The following CSRNP3 variants were observed in gnomAD, a reference collection of about 807,000 sequenced individuals.
CSRNP3 encodes cysteine/serine-rich nuclear protein 3.
CSRNP3 carries 12 observed loss-of-function variants against 48.0 expected under a neutral mutation model. The ratio of observed to expected loss-of-function variants is 0.25; its 90% CI spans 0.16 to 0.41. The LOEUF is 0.41. CSRNP3 is among the 10% of genes least tolerant of loss of function. CSRNP3 has a pLI of 1.00. For missense variants in CSRNP3, 580 were observed against 724.4 expected (o/e 0.80, Z 2.29); for synonymous variants, 263 against 269.7 (o/e 0.98, Z 0.24).
chr2:165,544,187 A>G (rs1684994271), intron 3 of CSRNP3, among the ~76,000 whole-genome samples: 1 of 152,100 alleles, frequency 6.6e-6, no homozygotes, highest in Admixed American at 6.6e-5. Context: ...TAAGAGAGGA[A>G]AAGAATTGAA....
At chr2:165,486,493 G>A (rs1436700424) in intron 1 of CSRNP3, among the ~76,000 whole-genome samples, 3 of 144,774 alleles carry the variant, frequency 2.1e-5, no homozygotes, top group East Asian at 2.1e-4. Context: ...CTGGGGGCAG[G>A]GCACAGACAA....
intron 3 of CSRNP3, among the ~76,000 whole-genome samples, chr2:165,585,222 T>G (rs1685608572): frequency 6.6e-6 from 1 of 152,194 alleles, no homozygotes; most frequent in South Asian, 2.1e-4. Context: ...GTTTTTTTTT[T>G]TTTTTAACTG....
chr2:165,618,251 C>T (rs1463978849), intron 4 of CSRNP3, among the ~76,000 whole-genome samples: 1 of 152,182 alleles, frequency 6.6e-6, no homozygotes, highest in Admixed American at 6.5e-5. Flanking sequence ...TCCATCCTGG[C>T]TTTGAGCCAG....
chr2:165,594,463 A>G (rs1685776853), intron 3 of CSRNP3, among the ~76,000 whole-genome samples: 2 of 152,322 alleles, frequency 1.3e-5, no homozygotes, highest in South Asian at 2.1e-4. Flanking sequence ...GCTATCTTCC[A>G]GGTAAATAGC....
intron 4 of CSRNP3, among the ~76,000 whole-genome samples, chr2:165,599,273 A>AAG (rs746283268): frequency 2.6e-4 from 18 of 69,044 alleles, no homozygotes; most frequent in East Asian, 5.6e-4. Flanking sequence ...AAAAGAAAGA[A>AAG]AGAGAGAGAG....
intron 3 of CSRNP3, among the ~76,000 whole-genome samples, chr2:165,562,227 G>A (rs189600696): frequency 2.6e-5 from 4 of 152,146 alleles, no homozygotes. Context: ...ACTGGTCTTG[G>A]ACAGACATGG....
At chr2:165,633,612 A>G (rs1296402126) in intron 4 of CSRNP3, among the ~76,000 whole-genome samples, 1 of 152,234 alleles carries the variant, frequency 6.6e-6, no homozygotes, top group African/African-American at 2.4e-5. Context: ...AACAAAATCC[A>G]GTCCCCTGAT....
At chr2:165,645,032 C>G (rs1686787934) in intron 4 of CSRNP3, among the ~76,000 whole-genome samples, 1 of 151,874 alleles carries the variant, frequency 6.6e-6, no homozygotes, top group Non-Finnish European at 1.5e-5. Context: ...TCTGGGGTCT[C>G]TTTATAAAAA....
chr2:165,679,052 T>C lies in CSRNP3; in HGVS notation c.1057T>C (p.Cys353Arg), dbSNP rs763548669. The C allele has an allele frequency of 6.2e-7, 1 of 1,613,812 alleles. No individual in the cohort carries two copies. The highest frequency in any genetic ancestry group is 8.5e-7 in the Non-Finnish European group (1 of 1,179,956). The change falls in exon 7 of 7, where the codon TGC (cysteine) becomes CGC (arginine). Residue 353 changes from cysteine to arginine, a missense_variant. Physicochemically the swap from Cys to Arg is radical, Grantham distance 180. This residue lies in a region of CSRNP3 where 369 missense variants were observed against 380.8 expected (regional missense o/e 0.97). Coordinates refer to ENST00000651982, the MANE Select transcript of CSRNP3 (RefSeq NM_001172173.2). ...EEEEEDGSSFCSGVTDSSTQS... is the reference protein window; with the variant it reads ...EEEEEDGSSFRSGVTDSSTQS... ...AGAAGAGGAGGATGGGAGCAGCTTT[T>C]GCAGCGGAGTCACAGATTCTAGCAC...
At position 165,680,840 on chromosome 2, in the gene CSRNP3, G is replaced by T. The variant is rs1687523408; in HGVS notation, c.*1087G>T. 6.6e-6 allele frequency: 1 copy of T among 152,118 alleles called. No homozygotes were observed. 9.4% of individuals were successfully genotyped at this position (152,118 alleles called of 1,614,324 possible). ...CTCAGTAAATGCAGAGGAGGCTGAGGAAACATGGAAGAGACACGACCTCAG... is the reference window on the plus strand; with the variant it reads ...CTCAGTAAATGCAGAGGAGGCTGAGTAAACATGGAAGAGACACGACCTCAG... On this transcript the variant is annotated 3_prime_UTR_variant, in exon 7 of 7. Coordinates refer to ENST00000651982, the MANE Select transcript of CSRNP3 (RefSeq NM_001172173.2).
At chr2:165,550,440 A>T (rs1685082116) in intron 3 of CSRNP3, among the ~76,000 whole-genome samples, 1 of 152,194 alleles carries the variant, frequency 6.6e-6, no homozygotes, top group African/African-American at 2.4e-5. Flanking sequence ...TTAACAGCTC[A>T]ATTAAGTGCC....
intron 4 of CSRNP3, among the ~76,000 whole-genome samples, chr2:165,635,800 G>A (rs1445257374): frequency 6.6e-6 from 1 of 152,106 alleles, no homozygotes; most frequent in Admixed American, 6.5e-5. Context: ...AATTCTATAG[G>A]ATTAAACATC....
chr2:165,553,983 G>C (rs1685131722), intron 3 of CSRNP3, among the ~76,000 whole-genome samples: 1 of 152,112 alleles, frequency 6.6e-6, no homozygotes, highest in Non-Finnish European at 1.5e-5. Context: ...TTTATCCTCT[G>C]ATCAGGCATT....
At chr2:165,530,779 T>G (rs1333641342) in intron 3 of CSRNP3, among the ~76,000 whole-genome samples, 1 of 152,082 alleles carries the variant, frequency 6.6e-6, no homozygotes, top group Non-Finnish European at 1.5e-5. Flanking sequence ...TACAAATTTG[T>G]GTTACTCTTG....
At chr2:165,641,827 G>T (rs1415375611) in intron 4 of CSRNP3, among the ~76,000 whole-genome samples, 2 of 152,150 alleles carry the variant, frequency 1.3e-5, no homozygotes, top group African/African-American at 4.8e-5. Flanking sequence ...GGTAAAAGAA[G>T]TTGGATCCTG....
chr2:165,491,950 T>TAAA (rs560385044), intron 1 of CSRNP3, among the ~76,000 whole-genome samples: 42 of 104,592 alleles, frequency 4.0e-4, no homozygotes, highest in African/African-American at 1.3e-3. Flanking sequence ...TAAAGTATAA[T>TAAA]AAAAAAAAAA....
At chr2:165,627,413 A>G (rs561932334) in intron 4 of CSRNP3, among the ~76,000 whole-genome samples, 2 of 152,104 alleles carry the variant, frequency 1.3e-5, no homozygotes, top group Non-Finnish European at 2.9e-5. Flanking sequence ...TCTTTCTATT[A>G]TAGCCACAGG....
chr2:165,595,427 TTAAC>T (rs1214638816), intron 4 of CSRNP3, among the ~76,000 whole-genome samples: 15 of 152,308 alleles, frequency 9.8e-5, no homozygotes, highest in African/African-American at 1.9e-4. Flanking sequence ...ATTGTATTAA[TTAAC>T]TAATTTAATT....
rs1687680407 is a variant in CSRNP3, at chr2:165,689,290, TCTTATC to T, written c.*9542_*9547del. ...TATATAACAAATAAGCATTTTTAAGTCTTATCCTTAAGTTTCTTTTATTAGTGGCAC... is the reference window on the plus strand; with the variant it reads ...TATATAACAAATAAGCATTTTTAAGTCTTAAGTTTCTTTTATTAGTGGCAC... On this transcript the variant is annotated 3_prime_UTR_variant, in exon 7 of 7. Coordinates refer to ENST00000651982, the MANE Select transcript of CSRNP3 (RefSeq NM_001172173.2). 1 of 152,192 alleles carries T rather than the reference TCTTATC, an allele frequency of 6.6e-6. No individual in the cohort carries two copies. Among genetic ancestry groups the T allele is most frequent in the Non-Finnish European group, 1.5e-5 (1 of 68,026 alleles). The allele number at this position is 152,192 out of a possible 1,614,324, so 9.4% of individuals were successfully genotyped here.
Sources: gnomAD v4.1 joint callset for allele counts (sites outside exome capture counted in the v4.1 genomes callset) on GRCh38, gnomAD v4.1.1 for gene constraint, gnomAD v4.1.1 regional missense constraint, MANE v1.5 for transcripts, NCBI Gene and HGNC (gene_info 2026-07-23, HGNC 2026-07-21) for gene names.